The following RASGRF2 variants were observed in gnomAD, a reference collection of about 807,000 sequenced individuals.
RASGRF2 encodes the protein ras-specific guanine nucleotide-releasing factor 2.
A neutral mutation model predicts 151.0 loss-of-function variants in RASGRF2; 76 were observed. The ratio of observed to expected loss-of-function variants is 0.50; its 90% confidence interval spans 0.42 to 0.61. The LOEUF (loss-of-function observed/expected upper bound fraction) is 0.61, where lower values mean the gene tolerates loss of function less well. Among genes scored for constraint, RASGRF2 ranks in the 20% least tolerant of loss-of-function variants. RASGRF2 has a pLI of 0.00. For missense variants in RASGRF2, 1,148 were observed against 1,564.6 expected, an observed-to-expected ratio of 0.73 and a Z score of 4.49; for synonymous variants, 504 against 566.5, an observed-to-expected ratio of 0.89 and a Z score of 1.57.
intron 1 of RASGRF2, among the ~76,000 whole-genome samples, chr5:81,036,980 A>G (rs1750520431): frequency 6.6e-6 from 1 of 152,220 alleles, no homozygotes; most frequent in Non-Finnish European, 1.5e-5. Context: ...TCACAGTTCC[A>G]TGTGTCTGGG....
rs548661375 is a variant in RASGRF2, at chr5:80,961,082, C to T, written c.288+56C>T. On this transcript the variant is annotated intron_variant, in intron 1 of 26. Transcript: ENST00000265080. ...AGCCTTGATCGCCGCACTCCCTTGC[C>T]GTCCTAATCCGGGGATCAGGGGTCG... 8,355 of 1,393,490 alleles carry T rather than the reference C, an allele frequency of 6.0e-3. 45 individuals carry two copies. The highest frequency in any genetic ancestry group is 8.2e-3 in the Middle Eastern group (30 of 3,654). 86.3% of individuals were successfully genotyped at this position (1,393,490 alleles called of 1,614,324 possible).
At chr5:80,966,702 CAGT>C (rs1747734692) in intron 1 of RASGRF2, among the ~76,000 whole-genome samples, 2 of 152,094 alleles carry the variant, frequency 1.3e-5, no homozygotes, top group South Asian at 4.1e-4. Context: ...ATATTGGCAT[CAGT>C]AGGTGGAACA....
intron 25 of RASGRF2, among the ~76,000 whole-genome samples, chr5:81,218,547 A>G (rs1209672388): frequency 5.3e-5 from 8 of 152,240 alleles, no homozygotes; most frequent in African/African-American, 1.9e-4. Context: ...ATTCTGTTCC[A>G]TTGGTCTACA....
At chr5:81,063,590 C>G (rs766771004) in intron 2 of RASGRF2, among the ~76,000 whole-genome samples, 31 of 151,904 alleles carry the variant, frequency 2.0e-4, no homozygotes, top group Non-Finnish European at 2.5e-4. Context: ...AACTTTTTTC[C>G]TTTCTGGAAC....
chr5:81,035,770 A>AAGGCAT (rs377412777), intron 1 of RASGRF2, among the ~76,000 whole-genome samples: 106 of 152,320 alleles, frequency 7.0e-4, no homozygotes, highest in African/African-American at 2.5e-3. Flanking sequence ...AGGTGTTGTT[A>AAGGCAT]AGGCATACAG....
intron 1 of RASGRF2, among the ~76,000 whole-genome samples, chr5:81,035,185 C>G (rs879866482): frequency 6.6e-6 from 1 of 152,066 alleles, no homozygotes; most frequent in African/African-American, 2.4e-5. Flanking sequence ...CAGCACTCTC[C>G]ACAATAGCAA....
At chr5:81,099,137 C>T (rs1173391247) in intron 12 of RASGRF2, among the ~76,000 whole-genome samples, 1 of 152,194 alleles carries the variant, frequency 6.6e-6, no homozygotes, top group Admixed American at 6.5e-5. Context: ...TAAAGAACCT[C>T]TGTCCTGAAG....
At chr5:81,132,283 A>C (rs1753642477) in intron 17 of RASGRF2, among the ~76,000 whole-genome samples, 2 of 152,236 alleles carry the variant, frequency 1.3e-5, no homozygotes, top group Non-Finnish European at 2.9e-5. Flanking sequence ...GAATCTTCAT[A>C]CTTGCAATAG....
At chr5:81,031,770 G>A (rs1446322276) in intron 1 of RASGRF2, among the ~76,000 whole-genome samples, 1 of 152,140 alleles carries the variant, frequency 6.6e-6, no homozygotes, top group Non-Finnish European at 1.5e-5. Context: ...ACATTGAAAA[G>A]CCAGCAGAAG....
At chr5:80,976,366 T>G (rs6894933) in intron 1 of RASGRF2, among the ~76,000 whole-genome samples, 1 of 152,170 alleles carries the variant, frequency 6.6e-6, no homozygotes, top group African/African-American at 2.4e-5. Context: ...GTAATTCACT[T>G]GGGGCAAACC....
At chr5:81,097,208 G>A (rs186372853) in intron 12 of RASGRF2, among the ~76,000 whole-genome samples, 163 of 152,216 alleles carry the variant, frequency 1.1e-3, no homozygotes, top group Middle Eastern at 3.4e-3. Context: ...TGATCCTCCC[G>A]CCTCGGCCTC....
chr5:80,992,367 C>A (rs1037887309), intron 1 of RASGRF2, among the ~76,000 whole-genome samples: 60 of 152,262 alleles, frequency 3.9e-4, no homozygotes, highest in South Asian at 1.5e-3. Flanking sequence ...GCCTTCACAT[C>A]CCCATGCCTG....
rs1241096027 is a variant in RASGRF2 at position 81,217,482 on chromosome 5, A to G, written c.3552+9A>G. ...TCTCCAAAATGAGAATGGTAGGTATAATTTCATAATTAGCCTGTTTCAATG... is the reference window on the plus strand; with the variant it reads ...TCTCCAAAATGAGAATGGTAGGTATGATTTCATAATTAGCCTGTTTCAATG... On this transcript the variant is annotated intron_variant, in intron 25 of 26. Transcript: ENST00000265080. 2 of 1,604,874 alleles carry G rather than the reference A, an allele frequency of 1.2e-6. No homozygotes were observed. Among genetic ancestry groups the G allele is most frequent in the African/African-American group, 1.3e-5 (1 of 74,376 alleles).
At chr5:80,973,453 G>A (rs993496144) in intron 1 of RASGRF2, among the ~76,000 whole-genome samples, 1 of 152,202 alleles carries the variant, frequency 6.6e-6, no homozygotes, top group Non-Finnish European at 1.5e-5. Flanking sequence ...CTAACTTCAT[G>A]TTTTCCCAAT....
intron 1 of RASGRF2, among the ~76,000 whole-genome samples, chr5:80,981,168 T>C (rs150833481): frequency 1.7e-3 from 253 of 152,304 alleles, no homozygotes; most frequent in African/African-American, 5.7e-3. Context: ...ATTAAGACTT[T>C]TGTTGTTGTT....
At chr5:81,030,001 G>A (rs1750180072) in intron 1 of RASGRF2, among the ~76,000 whole-genome samples, 1 of 152,148 alleles carries the variant, frequency 6.6e-6, no homozygotes, top group South Asian at 2.1e-4. Context: ...AACTATGTGA[G>A]GAATGCACAG....
chr5:81,133,385 C>A (rs1279957412), intron 17 of RASGRF2, among the ~76,000 whole-genome samples: 1 of 152,194 alleles, frequency 6.6e-6, no homozygotes, highest in African/African-American at 2.4e-5. Flanking sequence ...TTGCAGGCAC[C>A]TGCTCAAATT....
intron 9 of RASGRF2, chr5:81,088,536 G>C (rs753768734): frequency 6.6e-6 from 1 of 152,062 alleles, no homozygotes; most frequent in Non-Finnish European, 1.5e-5. Context: ...TGGAAAATGG[G>C]CGTTGAATTA....
At chr5:81,127,687 G>T (rs747823575) in intron 17 of RASGRF2, among the ~76,000 whole-genome samples, 17 of 151,910 alleles carry the variant, frequency 1.1e-4, no homozygotes, top group Non-Finnish European at 2.4e-4. Context: ...ACTTTGGGAG[G>T]CCGAGGCAAG....
Sources: allele counts gnomAD v4.1 joint callset (sites outside exome capture counted in the v4.1 genomes callset), GRCh38; gene constraint gnomAD v4.1.1; transcripts MANE v1.5; gene names NCBI Gene and HGNC (gene_info 2026-07-23, HGNC 2026-07-21).